Variants in ANKRD55 observed in about 807,000 individuals in gnomAD.
ANKRD55 encodes the protein ankyrin repeat domain-containing protein 55.
A neutral mutation model predicts 60.6 loss-of-function variants in ANKRD55; 41 were observed. The observed-to-expected ratio is 0.68, with a 90% CI of 0.53 to 0.88. The LOEUF is 0.88. Among genes scored for constraint, ANKRD55 ranks in the 40% least tolerant of loss-of-function variants. ANKRD55 has a pLI of 0.00. For missense variants in ANKRD55, 732 were observed against 767.6 expected (o/e 0.95, Z 0.55); for synonymous variants, 264 against 290.3 (o/e 0.91, Z 0.92).
chr5:56,180,270 C>T (rs1226183739), intron 3 of ANKRD55, among the ~76,000 whole-genome samples: 5 of 152,324 alleles, frequency 3.3e-5, no homozygotes, highest in African/African-American at 1.2e-4. Flanking sequence ...CATTGTGGAC[C>T]AGGTTCCCAA....
intron 7 of ANKRD55, among the ~76,000 whole-genome samples, chr5:56,143,243 C>A (rs1413639192): frequency 1.3e-5 from 2 of 152,188 alleles, no homozygotes; most frequent in Non-Finnish European, 2.9e-5. Flanking sequence ...CTCGGTTACA[C>A]ATTAGTGATT....
At chr5:56,101,671 A>G (rs1756280487) in intron 11 of ANKRD55, among the ~76,000 whole-genome samples, 1 of 152,194 alleles carries the variant, frequency 6.6e-6, no homozygotes, top group South Asian at 2.1e-4. Flanking sequence ...ACTTAGGCAC[A>G]CTAAAGTTTG....
intron 3 of ANKRD55, among the ~76,000 whole-genome samples, chr5:56,181,997 A>G (rs753137037): frequency 1.6e-4 from 25 of 151,876 alleles, no homozygotes; most frequent in Non-Finnish European, 2.8e-4. Flanking sequence ...TTTTTTTTAC[A>G]TCGTCTTTGG....
At chr5:56,147,336 G>A (rs1187079052) in intron 6 of ANKRD55, among the ~76,000 whole-genome samples, 2 of 152,074 alleles carry the variant, frequency 1.3e-5, no homozygotes, top group Non-Finnish European at 2.9e-5. Flanking sequence ...ATTTCATTTT[G>A]GGAATGAGCT....
At chr5:56,193,148 T>TG in intron 2 of ANKRD55, 1 of 688,156 alleles carries the variant, frequency 1.5e-6, no homozygotes, top group Non-Finnish European at 2.4e-6. Flanking sequence ...ATTTAAGCCC[T>TG]TTGTAAAACA....
chr5:56,129,919 G>T (rs1479087851), intron 7 of ANKRD55, among the ~76,000 whole-genome samples: 1 of 152,164 alleles, frequency 6.6e-6, no homozygotes, highest in Non-Finnish European at 1.5e-5. Flanking sequence ...TCATCGGTTG[G>T]AGCCAGACAT....
chr5:56,224,495 A>G (rs1420904511), intron 2 of ANKRD55, among the ~76,000 whole-genome samples: 2 of 152,226 alleles, frequency 1.3e-5, no homozygotes, highest in Non-Finnish European at 2.9e-5. Flanking sequence ...ATTAGAGCAG[A>G]ACTGAAGGAG....
chr5:56,110,233 C>CAAA (rs11445540), intron 10 of ANKRD55, among the ~76,000 whole-genome samples: 6 of 113,908 alleles, frequency 5.3e-5, no homozygotes, highest in African/African-American at 1.3e-4. Flanking sequence ...TCCATCTCTA[C>CAAA]AAAAAAAAAA....
chr5:56,110,301 A>G (rs1470301638), intron 10 of ANKRD55, among the ~76,000 whole-genome samples: 1 of 150,364 alleles, frequency 6.7e-6, no homozygotes, highest in Non-Finnish European at 1.5e-5. Context: ...CAGGATGCTG[A>G]GGCAGGGGGA....
At chr5:56,162,183 T>C (rs1758349636) in intron 5 of ANKRD55, 7 of 256,990 alleles carry the variant, frequency 2.7e-5, no homozygotes, top group Middle Eastern at 2.1e-3. Context: ...GACAGGATCT[T>C]CTGGGGCTCT....
At chr5:56,209,080 C>A (rs990710795) in intron 2 of ANKRD55, among the ~76,000 whole-genome samples, 35 of 151,768 alleles carry the variant, frequency 2.3e-4, no homozygotes, top group Admixed American at 1.7e-3. Context: ...GCCTTAGCCT[C>A]CTGAGTAGCT....
chr5:56,102,465 G>T, intron 11 of ANKRD55, 29 bp downstream of exon 11: 1 of 1,459,558 alleles, frequency 6.9e-7, no homozygotes, highest in African/African-American at 1.4e-5. Flanking sequence ...CACTTGCAAA[G>T]GAAGCTGCGG....
At chr5:56,225,570 T>C (rs1760089692) in intron 2 of ANKRD55, among the ~76,000 whole-genome samples, 2 of 152,212 alleles carry the variant, frequency 1.3e-5, no homozygotes, top group South Asian at 2.1e-4. Flanking sequence ...GACATGATTG[T>C]ATATTTAGAA....
intron 11 of ANKRD55, among the ~76,000 whole-genome samples, chr5:56,102,146 G>A (rs1176553809): frequency 6.6e-6 from 1 of 152,150 alleles, no homozygotes; most frequent in African/African-American, 2.4e-5. Flanking sequence ...TAGCACTTTG[G>A]GAGGCCGAGG....
intron 2 of ANKRD55, among the ~76,000 whole-genome samples, chr5:56,210,560 C>CAAGAAAA (rs1759645191): frequency 1.5e-5 from 1 of 65,158 alleles, no homozygotes; most frequent in Non-Finnish European, 3.2e-5. Context: ...GACTACGTCT[C>CAAGAAAA]AAAAAAAAAA....
chr5:56,129,365 G>A (rs757148274), intron 7 of ANKRD55, among the ~76,000 whole-genome samples: 9 of 152,212 alleles, frequency 5.9e-5, no homozygotes, highest in African/African-American at 9.7e-5. Flanking sequence ...ACACTGAGCT[G>A]CCAGATGATG....
At position 56,127,025 on chromosome 5, in the gene ANKRD55, T is replaced by TC. The variant is rs1479106045; in HGVS notation, c.693dup (p.Lys232GlufsTer18). 6.2e-7 allele frequency: 1 copy of TC among 1,613,932 alleles called. No individual in the cohort carries two copies. The highest frequency in any genetic ancestry group is 1.3e-5 in the African/African-American group (1 of 74,900). On this transcript the variant is annotated frameshift_variant, in exon 8 of 12. Transcript: ENST00000341048. LOFTEE classifies it high-confidence loss of function. ...GCCGCTGCGATATGTACACATGTCT[T>TC]CCCACTCTCATCATCATAGTTGATT...
At chr5:56,103,316 G>A (rs535405851) in intron 10 of ANKRD55, among the ~76,000 whole-genome samples, 25 of 152,208 alleles carry the variant, frequency 1.6e-4, no homozygotes, top group Non-Finnish European at 2.9e-4. Flanking sequence ...AGCCATGGTG[G>A]GTGTATTTAC....
Position 56,100,271 on chromosome 5 carries a change from A to C in ANKRD55, c.1757T>G (p.Val586Gly). Residue 586 changes from valine to glycine, a missense_variant, in exon 12 of 12, where the codon GTG becomes GGG. Coordinates refer to ENST00000341048, the MANE Select transcript of ANKRD55 (RefSeq NM_024669.3). ...LSGEPLRTNR[V>G]LPAIPSQRRH... ...TCGTTGACTTGGAATTGCAGGAAGC[A>C]CTCGGTTTGTCCGCAGAGGTTCTCC... 1 of 1,614,158 alleles carries C rather than the reference A, an allele frequency of 6.2e-7. No individual in the cohort carries two copies. The highest frequency in any genetic ancestry group is 8.5e-7 in the Non-Finnish European group (1 of 1,180,030).
Sources: allele counts gnomAD v4.1 joint callset (sites outside exome capture counted in the v4.1 genomes callset), GRCh38; gene constraint gnomAD v4.1.1; transcripts MANE v1.5; gene names NCBI Gene and HGNC (gene_info 2026-07-23, HGNC 2026-07-21).